Variants in DPYSL3 observed in about 807,000 individuals in gnomAD.
DPYSL3 encodes dihydropyrimidinase like 3.
DPYSL3 carries 16 observed loss-of-function variants against 66.1 expected under a neutral mutation model. The ratio of observed to expected loss-of-function variants is 0.24; its 90% CI spans 0.16 to 0.37. The LOEUF is 0.37. Ranked by LOEUF, DPYSL3 falls within the 10% of genes least tolerant of loss-of-function variation. The pLI is 1.00. For synonymous variants in DPYSL3, 338 were observed against 345.1 expected, an observed-to-expected ratio of 0.98 and a Z score of 0.23; for missense variants, 738 against 916.2, an observed-to-expected ratio of 0.81 and a Z score of 2.51.
chr5:147,503,467 A>G (rs1402271268), intron 1 of DPYSL3, among the ~76,000 whole-genome samples: 4 of 152,040 alleles, frequency 2.6e-5, no homozygotes, highest in African/African-American at 9.6e-5. Context: ...TTAATTTTTA[A>G]ATTATTTTTA....
chr5:147,395,578 C>A lies in DPYSL3; in HGVS notation c.1947G>T (p.Gln649His), dbSNP rs983506607. The A allele has an allele frequency of 6.2e-7, 1 of 1,613,416 alleles. No individual in the cohort carries two copies. Reference sequence around the variant, plus strand: ...ACTCACCTGACAGGCTAAATCCCGACTGATGAAGATTCCTCACAGGTGGGT... The same window carrying A: ...ACTCACCTGACAGGCTAAATCCCGAATGATGAAGATTCCTCACAGGTGGGT... ...RPNPPVRNLH[Q>H]SGFSLSGTQV... The change falls in exon 13 of 14, where the codon CAG becomes CAT. Residue 649 changes from glutamine to histidine, a missense_variant. Gln to His is a conservative substitution (Grantham distance 24). Transcript: ENST00000343218.
At chr5:147,506,420 C>T (rs1034739642) in intron 1 of DPYSL3, among the ~76,000 whole-genome samples, 1 of 151,944 alleles carries the variant, frequency 6.6e-6, no homozygotes, top group Non-Finnish European at 1.5e-5. Context: ...GCATATGTTC[C>T]GTAAAAGTCC....
chr5:147,471,150 C>G (rs1327063281), intron 1 of DPYSL3, among the ~76,000 whole-genome samples: 1 of 152,092 alleles, frequency 6.6e-6, no homozygotes, highest in African/African-American at 2.4e-5. Flanking sequence ...CAAAGGCAAA[C>G]TGTTGAAGGC....
At chr5:147,497,278 A>C (rs1376563199) in intron 1 of DPYSL3, among the ~76,000 whole-genome samples, 1 of 151,910 alleles carries the variant, frequency 6.6e-6, no homozygotes, top group Non-Finnish European at 1.5e-5. Context: ...AAGGGGTAGC[A>C]TTAGGAGATA....
intron 2 of DPYSL3, among the ~76,000 whole-genome samples, chr5:147,419,893 A>G (rs1056468451): frequency 1.3e-5 from 2 of 151,972 alleles, no homozygotes; most frequent in Non-Finnish European, 2.9e-5. Flanking sequence ...TTCTGTTCTC[A>G]TTTTTCTCTC....
chr5:147,401,743 T>C, intron 8 of DPYSL3, 47 bp from the exon 9 acceptor site: 4 of 1,607,910 alleles, frequency 2.5e-6, no homozygotes, highest in Non-Finnish European at 3.4e-6. Flanking sequence ...AAGTATATGC[T>C]GCACTGGGCC....
In DPYSL3 at chr5:147,437,016, G is replaced by A. The variant is rs575005731; in HGVS notation, c.382-12053C>T. 5.9e-5 allele frequency among the ~76,000 whole-genome samples: 9 copies of A among 152,300 alleles called. No individual in the cohort carries two copies. The South Asian group carries it at 8.3e-4, about 14-fold the overall frequency. ...GTGGACGGGCTTGAGTTAATGCCAC[G>A]CTGAAAATGGCTGTGCCAACTGAAA... On this transcript the variant is annotated intron_variant, in intron 1 of 13. Coordinates refer to ENST00000343218, the MANE Select transcript of DPYSL3 (RefSeq NM_001197294.2).
In DPYSL3 at chr5:147,509,839, C is replaced by T. The variant is rs921608778; in HGVS notation, c.20G>A (p.Gly7Asp). 8.5e-6 allele frequency: 13 copies of T among 1,530,234 alleles called. No individual in the cohort carries two copies. The highest frequency in any genetic ancestry group is 2.7e-5 in the African/African-American group (2 of 72,858). The allele number at this position is 1,530,234 out of a possible 1,614,324, so 94.8% of individuals were successfully genotyped here. The change falls in exon 1 of 14, where the codon GGC becomes GAC. Residue 7 changes from glycine (G) to aspartate (D), a missense_variant. Transcript: ENST00000343218. The surrounding 1 kb of genome is among the most constrained non-coding windows in gnomAD (Gnocchi z 5.3). MASGRRGWDSSHEDDLP... is the reference protein window; with the variant it reads MASGRRDWDSSHEDDLP... Reference sequence around the variant, plus strand: ...ATCGTCTTCGTGGGAGCTGTCCCAGCCCCTCCGGCCCGAGGCCATGGTTCA... The same window carrying T: ...ATCGTCTTCGTGGGAGCTGTCCCAGTCCCTCCGGCCCGAGGCCATGGTTCA...
intron 1 of DPYSL3, among the ~76,000 whole-genome samples, chr5:147,463,539 G>T (rs1752965850): frequency 6.6e-6 from 1 of 152,124 alleles, no homozygotes; most frequent in African/African-American, 2.4e-5. Flanking sequence ...GTATTGCATT[G>T]TTAATGCCCC....
At chr5:147,503,547 C>T (rs1753644490) in intron 1 of DPYSL3, among the ~76,000 whole-genome samples, 1 of 152,218 alleles carries the variant, frequency 6.6e-6, no homozygotes, top group Non-Finnish European at 1.5e-5. Flanking sequence ...TCTGCCTTGG[C>T]TCCCAAAGTG....
chr5:147,399,166 T>C lies in DPYSL3; in HGVS notation c.1539A>G (p.Gly513=), dbSNP rs773322580. 1 of 1,614,214 alleles carries C rather than the reference T, an allele frequency of 6.2e-7. No homozygotes were observed. The highest frequency in any genetic ancestry group is 1.7e-5 in the Admixed American group (1 of 60,034). The change falls in exon 11 of 14, where the codon GGA becomes GGG. Residue 513 remains glycine (G), a synonymous_variant. Coordinates refer to ENST00000343218, the MANE Select transcript of DPYSL3 (RefSeq NM_001197294.2). ...AKIFNLYPRK[G]RISVGSDSDL... The stretch of plus-strand genomic sequence containing the variant: ...CGCTGTCAGAACCCACAGATATTCT[T>C]CCCTTGCGGGGATACAGGTTGAAGA...
chr5:147,502,571 C>CTTTTTTTTTT (rs71001435), intron 1 of DPYSL3, among the ~76,000 whole-genome samples: 3 of 95,196 alleles, frequency 3.2e-5, no homozygotes, highest in Non-Finnish European at 5.7e-5. Flanking sequence ...CTTAATAATG[C>CTTTTTTTTTT]TTTTTTTTTT....
chr5:147,396,828 T>C (rs1011328745), intron 12 of DPYSL3, among the ~76,000 whole-genome samples: 5 of 149,640 alleles, frequency 3.3e-5, no homozygotes, highest in African/African-American at 4.9e-5. Flanking sequence ...CACATATATA[T>C]ACAAACACAT....
chr5:147,497,092 CCTTT>C, intron 1 of DPYSL3, among the ~76,000 whole-genome samples: 1 of 152,238 alleles, frequency 6.6e-6, no homozygotes, highest in East Asian at 1.9e-4. Flanking sequence ...GAGTTCATGT[CCTTT>C]GTAGGGACAT....
intron 1 of DPYSL3, among the ~76,000 whole-genome samples, chr5:147,500,888 C>A (rs1753596573): frequency 6.6e-6 from 1 of 152,142 alleles, no homozygotes; most frequent in African/African-American, 2.4e-5. Context: ...TTGGTAGCAC[C>A]ACTTTGGAAG....
chr5:147,408,704 G>T, intron 7 of DPYSL3, 24 bp downstream of exon 7: 1 of 1,611,504 alleles, frequency 6.2e-7, no homozygotes, highest in South Asian at 1.1e-5. Flanking sequence ...CGTTGTGTGT[G>T]CACCTTCATC....
At chr5:147,394,675 A>G (rs945348657) in intron 13 of DPYSL3, among the ~76,000 whole-genome samples, 27 of 143,104 alleles carry the variant, frequency 1.9e-4, no homozygotes, top group Middle Eastern at 3.5e-3. Context: ...CCAGAGAACA[A>G]CAACAACAAA....
intron 3 of DPYSL3, among the ~76,000 whole-genome samples, chr5:147,417,315 G>T (rs763550357): frequency 6.6e-6 from 1 of 152,172 alleles, no homozygotes; most frequent in African/African-American, 2.4e-5. Context: ...AAGCAAATGC[G>T]TGGAGCTACA....
At position 147,480,703 on chromosome 5, in the gene DPYSL3, ATATTATTAT is replaced by A. The variant is rs10665228; in HGVS notation, c.381+28766_381+28774del. Among the ~76,000 whole-genome samples the A allele has an allele frequency of 4.8e-3, 687 of 142,464 alleles. 4 individuals are homozygous for A. Among genetic ancestry groups the A allele is most frequent in the African/African-American group, 0.014 (549 of 39,012 alleles). The allele number at this position is 142,464 out of a possible 152,430, so 93.5% of individuals were successfully genotyped here. The stretch of plus-strand genomic sequence containing the variant: ...TAGTGCACACATCATGAATATATAT[ATATTATTAT>A]TATTATTATTATTATTATTATTATT... On this transcript the variant is annotated intron_variant, in intron 1 of 13. Transcript: ENST00000343218.
Sources: allele counts gnomAD v4.1 joint callset (sites outside exome capture counted in the v4.1 genomes callset), GRCh38; gene constraint gnomAD v4.1.1; non-coding constraint Gnocchi (gnomAD v3.1); transcripts MANE v1.5; gene names NCBI Gene and HGNC (gene_info 2026-07-23, HGNC 2026-07-21).